CRADD: variants seen among roughly 807,000 people sequenced by gnomAD.
CRADD encodes the protein CARD and death domain containing adaptor protein.
In CRADD, 9 loss-of-function variants were observed where a neutral mutation model predicts 15.5. The observed-to-expected ratio is 0.58, with a 90% CI of 0.35 to 1.01. The LOEUF (loss-of-function observed/expected upper bound fraction) is 1.01. CRADD is among the 50% of genes least tolerant of loss of function. The pLI is 0.02. For missense variants in CRADD, 227 were observed against 250.3 expected (o/e 0.91, Z 0.63); for synonymous variants, 118 against 107.6 (o/e 1.10, Z -0.60).
intron 2 of CRADD, among the ~76,000 whole-genome samples, chr12:93,762,074 G>A (rs1194845783): frequency 6.6e-6 from 1 of 152,126 alleles, no homozygotes; most frequent in Non-Finnish European, 1.5e-5. Flanking sequence ...AGCCCAATAA[G>A]CTTAAAATAA....
At chr12:93,708,987 T>C (rs1484358857) in intron 2 of CRADD, 2 of 152,244 alleles carry the variant, frequency 1.3e-5, no homozygotes, top group Non-Finnish European at 2.9e-5. Flanking sequence ...AAGATAGCTC[T>C]CTCGGGCTTC....
At chr12:93,703,600 G>A (rs1296556142) in intron 2 of CRADD, among the ~76,000 whole-genome samples, 3 of 151,898 alleles carry the variant, frequency 2.0e-5, no homozygotes, top group Admixed American at 6.6e-5. Flanking sequence ...GAGCTCAAGC[G>A]ATCTGCCCAC....
Position 93,799,100 on chromosome 12 carries a change from T to G in CRADD, c.299-50870T>G, listed in dbSNP as rs556755270. 5.3e-5 allele frequency among the ~76,000 whole-genome samples: 8 copies of G among 152,300 alleles called. No individual in the cohort carries two copies. In the South Asian group the frequency reaches 1.7e-3, roughly 32 times the overall value. ...CAGGGTAACTTTGGTTTCCTTATAT[T>G]AATATAAGGGACTTGAACTGTGTTA... is the stretch of plus-strand genomic sequence containing the variant. On this transcript the variant is annotated intron_variant, in intron 2 of 2. Coordinates refer to ENST00000332896, the MANE Select transcript of CRADD (RefSeq NM_003805.5).
Position 93,850,723 on chromosome 12 carries a change from A to T in CRADD, c.*452A>T. On this transcript the variant is annotated 3_prime_UTR_variant, in exon 3 of 3. Transcript: ENST00000332896. This position sits in a 1 kb window ranked among gnomAD's most constrained non-coding sequence, Gnocchi z 4.0. The stretch of plus-strand genomic sequence containing the variant: ...ATAATGATAAAATAATAAAATGCGA[A>T]TTACTATATATAATGTGCCTCACTC... 1.0e-6 allele frequency: 1 copy of T among 984,356 alleles called. No individual in the cohort carries two copies. Among genetic ancestry groups the T allele is most frequent in the Non-Finnish European group, 1.2e-6 (1 of 829,430 alleles). 61.0% of individuals were successfully genotyped at this position (984,356 alleles called of 1,614,324 possible).
chr12:93,802,717 T>C (rs557807470), intron 2 of CRADD, among the ~76,000 whole-genome samples: 51 of 152,318 alleles, frequency 3.3e-4, no homozygotes, highest in Non-Finnish European at 7.4e-5. Context: ...TGGGAGGCCA[T>C]TTGTTTTCCT....
intron 2 of CRADD, among the ~76,000 whole-genome samples, chr12:93,869,260 AG>A (rs1958397851): frequency 1.3e-5 from 2 of 152,232 alleles, no homozygotes; most frequent in African/African-American, 2.4e-5. Flanking sequence ...CACAGGATTA[AG>A]GTTATCCACA....
chr12:93,752,469 CT>C (rs989079465), intron 2 of CRADD, among the ~76,000 whole-genome samples: 3 of 152,142 alleles, frequency 2.0e-5, no homozygotes, highest in African/African-American at 4.8e-5. Flanking sequence ...AAAATAAACA[CT>C]GTGTGTTTAA....
intron 2 of CRADD, chr12:93,837,876 T>A (rs1333920416): frequency 6.6e-6 from 1 of 152,174 alleles, no homozygotes; most frequent in African/African-American, 2.4e-5. Context: ...AGATTCAAAT[T>A]TATACTACCC....
intron 2 of CRADD, among the ~76,000 whole-genome samples, chr12:93,719,690 A>G (rs1051453167): frequency 6.6e-6 from 1 of 152,266 alleles, no homozygotes; most frequent in Admixed American, 6.5e-5. Context: ...TTTTCAATGA[A>G]TTGTTCCTTT....
chr12:93,863,205 G>A (rs924272191), intron 2 of CRADD, among the ~76,000 whole-genome samples: 1 of 151,988 alleles, frequency 6.6e-6, no homozygotes, highest in Non-Finnish European at 1.5e-5. Context: ...TCTGGTCGTT[G>A]TCAGATGCCA....
chr12:93,850,356 G>A lies in CRADD; in HGVS notation c.*85G>A. The A allele has an allele frequency of 2.0e-6, 3 of 1,473,778 alleles. No homozygotes were observed. The highest frequency in any genetic ancestry group is 3.0e-5 in the South Asian group (2 of 66,314). The allele number at this position is 1,473,778 out of a possible 1,614,324, so 91.3% of individuals were successfully genotyped here. On this transcript the variant is annotated 3_prime_UTR_variant, in exon 3 of 3. Transcript: ENST00000332896. The surrounding 1 kb of genome is among the most constrained non-coding windows in gnomAD (Gnocchi z 4.0). ...TTTCACTCAGAGCAGGTGGTTTTTTGTGTAGGTTTGTTTTTTATTTTTGAT... is the reference window on the plus strand; with the variant it reads ...TTTCACTCAGAGCAGGTGGTTTTTTATGTAGGTTTGTTTTTTATTTTTGAT...
At chr12:93,794,107 A>G (rs1365778825) in intron 2 of CRADD, among the ~76,000 whole-genome samples, 5 of 151,860 alleles carry the variant, frequency 3.3e-5, no homozygotes, top group Non-Finnish European at 5.9e-5. Flanking sequence ...TTCTTGGAGC[A>G]TTTTCTTTTA....
At chr12:93,811,919 G>A (rs1957630734) in intron 2 of CRADD, among the ~76,000 whole-genome samples, 1 of 152,170 alleles carries the variant, frequency 6.6e-6, no homozygotes, top group African/African-American at 2.4e-5. Context: ...TGGATAAACT[G>A]TGGTATGTCC....
intron 2 of CRADD, among the ~76,000 whole-genome samples, chr12:93,814,745 G>A (rs1333771950): frequency 6.6e-6 from 1 of 152,154 alleles, no homozygotes; most frequent in Non-Finnish European, 1.5e-5. Context: ...CACAAGCAAA[G>A]CATCTCAGAA....
intron 2 of CRADD, among the ~76,000 whole-genome samples, chr12:93,721,794 A>T (rs1392671219): frequency 1.3e-5 from 2 of 152,192 alleles, no homozygotes; most frequent in Admixed American, 6.5e-5. Context: ...TCTCCCATGG[A>T]TAATAAGGGA....
intron 2 of CRADD, chr12:93,815,722 A>G (rs1957689529): frequency 6.6e-6 from 1 of 152,206 alleles, no homozygotes; most frequent in South Asian, 2.1e-4. Context: ...AAATGCCTTC[A>G]TTTTTACTGG....
At chr12:93,882,559 G>A (rs955057202) in intron 2 of CRADD, among the ~76,000 whole-genome samples, 4 of 152,008 alleles carry the variant, frequency 2.6e-5, no homozygotes, top group Non-Finnish European at 5.9e-5. Context: ...TTTGTATGGA[G>A]GGCCTTGTTT....
intron 2 of CRADD, among the ~76,000 whole-genome samples, chr12:93,751,035 T>A (rs1956823129): frequency 6.6e-6 from 1 of 152,204 alleles, no homozygotes. Context: ...CTTGCCTGTG[T>A]CTACTATACT....
chr12:93,782,725 C>T (rs1957225953), intron 2 of CRADD, among the ~76,000 whole-genome samples: 1 of 151,446 alleles, frequency 6.6e-6, no homozygotes, highest in East Asian at 1.9e-4. Context: ...ATAAAACATA[C>T]TCTGTTTATT....
Sources: gnomAD v4.1 joint callset for allele counts (sites outside exome capture counted in the v4.1 genomes callset) on GRCh38, gnomAD v4.1.1 for gene constraint, Gnocchi (gnomAD v3.1) non-coding constraint, MANE v1.5 for transcripts, NCBI Gene and HGNC (gene_info 2026-07-23, HGNC 2026-07-21) for gene names.